RASGRF2: variants seen among roughly 807,000 people sequenced by gnomAD.
RASGRF2 encodes the protein ras-specific guanine nucleotide-releasing factor 2.
In RASGRF2, 76 loss-of-function variants were observed where a neutral mutation model predicts 151.0. The observed-to-expected ratio is 0.50, with a 90% CI of 0.42 to 0.61. The LOEUF (loss-of-function observed/expected upper bound fraction) is 0.61, where lower values mean the gene tolerates loss of function less well. Among genes scored for constraint, RASGRF2 ranks in the 20% least tolerant of loss-of-function variants. The pLI is 0.00. For missense variants in RASGRF2, 1,148 were observed against 1,564.6 expected (o/e 0.73, Z 4.49); for synonymous variants, 504 against 566.5 (o/e 0.89, Z 1.57).
chr5:81,042,983 G>A lies in RASGRF2; in HGVS notation c.395G>A (p.Ser132Asn). The A allele has an allele frequency of 6.2e-7, 1 of 1,604,002 alleles. No individual in the cohort carries two copies. Among genetic ancestry groups the A allele is most frequent in the South Asian group, 1.1e-5 (1 of 89,290 alleles). ...KEWMEAIHQA[S>N]YADILIEREV... Reference sequence around the variant, plus strand: ...TGGATGGAGGCCATTCACCAAGCCAGGTATAGGCTCAGTCTTCCTGTGTAG... The same window carrying A: ...TGGATGGAGGCCATTCACCAAGCCAAGTATAGGCTCAGTCTTCCTGTGTAG... Residue 132 changes from serine to asparagine, a missense_variant and splice_region_variant, in exon 2 of 27, where the codon AGT (serine) becomes AAT (asparagine). This residue lies in a region of RASGRF2 where 221 missense variants were observed against 271.3 expected (regional missense o/e 0.81). Transcript: ENST00000265080.
intron 17 of RASGRF2, among the ~76,000 whole-genome samples, chr5:81,159,809 C>G (rs554969050): frequency 1.3e-5 from 2 of 152,198 alleles, no homozygotes; most frequent in African/African-American, 4.8e-5. Flanking sequence ...ATATTATTCT[C>G]ATTTTATCTT....
Position 81,214,524 on chromosome 5 carries a change from CT to C in RASGRF2, c.3355-1351del, listed in dbSNP as rs1007612768. Among the ~76,000 whole-genome samples, 8 of 152,340 alleles carry C rather than the reference CT, an allele frequency of 5.3e-5. 1 individual carries two copies. Among genetic ancestry groups the C allele is most frequent in the Admixed American group, 4.6e-4 (7 of 15,310 alleles). ...CTGGAACCCACAGACTGGTCTGTTG[CT>C]GTAGGACAGGTTGTACTTTTGAAAC... is the stretch of plus-strand genomic sequence containing the variant. On this transcript the variant is annotated intron_variant, in intron 23 of 26. Coordinates refer to ENST00000265080, the MANE Select transcript of RASGRF2 (RefSeq NM_006909.3).
intron 18 of RASGRF2, among the ~76,000 whole-genome samples, chr5:81,197,412 C>A (rs562212998): frequency 7.1e-6 from 1 of 140,372 alleles, no homozygotes; most frequent in South Asian, 2.4e-4. Context: ...GCCGAGATTG[C>A]GCCACTGCAG....
At chr5:80,982,340 A>G (rs1436090982) in intron 1 of RASGRF2, among the ~76,000 whole-genome samples, 1 of 152,112 alleles carries the variant, frequency 6.6e-6, no homozygotes, top group African/African-American at 2.4e-5. Context: ...AGTAAAGGCT[A>G]TACATATTCT....
chr5:81,051,586 T>C (rs555768894), intron 2 of RASGRF2, among the ~76,000 whole-genome samples: 4 of 152,200 alleles, frequency 2.6e-5, no homozygotes, highest in Non-Finnish European at 4.4e-5. Context: ...CTACAAACAT[T>C]TTGTGTCTGA....
chr5:81,174,428 G>T (rs1754726352), intron 17 of RASGRF2, among the ~76,000 whole-genome samples: 1 of 152,160 alleles, frequency 6.6e-6, no homozygotes, highest in Admixed American at 6.5e-5. Flanking sequence ...AGAACTGAAT[G>T]GGGACAACCC....
chr5:80,969,883 A>G (rs1274444498), intron 1 of RASGRF2, among the ~76,000 whole-genome samples: 28 of 120,292 alleles, frequency 2.3e-4, no homozygotes, highest in African/African-American at 9.0e-4. Flanking sequence ...CTGGAGTGCA[A>G]TGGTGCGATC....
Position 81,094,337 on chromosome 5 carries a change from G to A in RASGRF2, c.1593G>A (p.Glu531=). 6.2e-7 allele frequency: 1 copy of A among 1,613,354 alleles called. No individual in the cohort carries two copies. Among genetic ancestry groups the A allele is most frequent in the Non-Finnish European group, 8.5e-7 (1 of 1,179,784 alleles). The change falls in exon 11 of 27, where the codon GAG becomes GAA. Residue 531 remains glutamate, a synonymous_variant. Transcript: ENST00000265080. ...CTCTAATAGACTGCACATTGATTGA[G>A]GAGCCAGATGCAAGCGATGATGACT... The part of the protein sequence containing the change: ...VLSLIDCTLI[E]EPDASDDDSK...
At chr5:80,970,082 C>T (rs1049678326) in intron 1 of RASGRF2, among the ~76,000 whole-genome samples, 10 of 152,056 alleles carry the variant, frequency 6.6e-5, no homozygotes, top group Non-Finnish European at 1.5e-4. Context: ...GCCTTGGCCT[C>T]CCAAAGTGCT....
In RASGRF2 at chr5:81,113,010, A is replaced by T. The variant is rs1010944915; in HGVS notation, c.2087+152A>T. 30 of 1,054,472 alleles carry T rather than the reference A, an allele frequency of 2.8e-5. No individual in the cohort carries two copies. The Admixed American group carries it at 7.8e-4, about 27-fold the overall frequency. 65.3% of individuals were successfully genotyped at this position (1,054,472 alleles called of 1,614,324 possible). ...TACCATGCCCCTCCAGCAGAAGGCC[A>T]TATGTAAAGGTCACACAGAGTTCCC... is the stretch of plus-strand genomic sequence containing the variant. On this transcript the variant is annotated intron_variant, in intron 14 of 26. Coordinates refer to ENST00000265080, the MANE Select transcript of RASGRF2 (RefSeq NM_006909.3).
At chr5:81,087,533 G>A in intron 9 of RASGRF2, 1 of 590,446 alleles carries the variant, frequency 1.7e-6, no homozygotes, top group Admixed American at 3.0e-5. Flanking sequence ...GTGCTTTGGG[G>A]GCATCACTCG....
intron 17 of RASGRF2, among the ~76,000 whole-genome samples, chr5:81,130,764 G>T (rs77784837): frequency 0.042 from 6,450 of 152,078 alleles, 432 homozygotes; most frequent in Admixed American, 0.18. Context: ...GCAAGCAGAA[G>T]AAAGATTGCA....
At chr5:81,010,022 G>A (rs1749405051) in intron 1 of RASGRF2, among the ~76,000 whole-genome samples, 1 of 152,036 alleles carries the variant, frequency 6.6e-6, no homozygotes, top group Non-Finnish European at 1.5e-5. Flanking sequence ...CGGGCATGGG[G>A]TTGGGTGCCT....
intron 19 of RASGRF2, among the ~76,000 whole-genome samples, chr5:81,204,919 A>G (rs1755472533): frequency 6.6e-6 from 1 of 152,204 alleles, no homozygotes; most frequent in Non-Finnish European, 1.5e-5. Flanking sequence ...CAAGGGAAAG[A>G]TATTACCCAG....
chr5:81,109,861 C>A (rs1191195390), intron 13 of RASGRF2, among the ~76,000 whole-genome samples: 1 of 152,198 alleles, frequency 6.6e-6, no homozygotes, highest in Non-Finnish European at 1.5e-5. Context: ...TGGAATTGTT[C>A]TCCTGTTAGG....
chr5:81,205,262 A>G (rs1261358206), intron 19 of RASGRF2, among the ~76,000 whole-genome samples: 1 of 152,172 alleles, frequency 6.6e-6, no homozygotes, highest in Non-Finnish European at 1.5e-5. Context: ...AGTTGTGTTT[A>G]TTGACTGTGT....
intron 17 of RASGRF2, among the ~76,000 whole-genome samples, chr5:81,170,043 C>T (rs886237771): frequency 3.3e-5 from 5 of 151,840 alleles, no homozygotes; most frequent in Non-Finnish European, 7.4e-5. Flanking sequence ...TCACTTGCAT[C>T]ACCTGCACTC....
intron 26 of RASGRF2, among the ~76,000 whole-genome samples, chr5:81,224,811 C>T (rs1320787409): frequency 1.3e-5 from 2 of 152,162 alleles, no homozygotes; most frequent in African/African-American, 4.8e-5. Context: ...ATGATCCCAT[C>T]GATATGAGGT....
At chr5:81,155,074 G>A (rs559158469) in intron 17 of RASGRF2, among the ~76,000 whole-genome samples, 1 of 152,112 alleles carries the variant, frequency 6.6e-6, no homozygotes, top group African/African-American at 2.4e-5. Flanking sequence ...CCATTTGTGT[G>A]TCTTCTTAAG....
Sources: allele counts gnomAD v4.1 joint callset (sites outside exome capture counted in the v4.1 genomes callset), GRCh38; gene constraint gnomAD v4.1.1; regional missense constraint gnomAD v4.1.1; transcripts MANE v1.5; gene names NCBI Gene and HGNC (gene_info 2026-07-23, HGNC 2026-07-21).